ADGRL2: variants seen among roughly 807,000 people sequenced by gnomAD.
ADGRL2 encodes calcium-independent alpha-latrotoxin receptor 2.
A neutral mutation model predicts 157.4 loss-of-function variants in ADGRL2; 44 were observed. The observed-to-expected ratio is 0.28, with a 90% CI of 0.22 to 0.36. The LOEUF is 0.36. Ranked by LOEUF, ADGRL2 falls within the 10% of genes least tolerant of loss-of-function variation. ADGRL2 has a pLI of 1.00. For missense variants in ADGRL2, 1,510 were observed against 1,768.9 expected (o/e 0.85, Z 2.63); for synonymous variants, 585 against 624.7 (o/e 0.94, Z 0.95).
At chr1:81,722,381 G>C (rs1482593940) in intron 1 of ADGRL2, 1 of 773,684 alleles carries the variant, frequency 1.3e-6, no homozygotes, top group African/African-American at 1.7e-5. Flanking sequence ...AAATGATGGT[G>C]AACTGCAGAA....
intron 2 of ADGRL2, among the ~76,000 whole-genome samples, chr1:81,567,179 C>G (rs1180352851): frequency 1.3e-5 from 2 of 152,030 alleles, no homozygotes; most frequent in African/African-American, 4.8e-5. Flanking sequence ...TTTTGAAGAT[C>G]TAGTCATAAA....
rs751999103 is a variant in ADGRL2 at position 81,990,865 on chromosome 1, A to T, written c.4130A>T (p.Asn1377Ile). 2 of 1,614,064 alleles carry T rather than the reference A, an allele frequency of 1.2e-6. No homozygotes were observed. The highest frequency in any genetic ancestry group is 1.7e-6 in the Non-Finnish European group (2 of 1,180,002). ...AEAEDHLQSP[N>I]RDSLYTSMPN... ...GCTGAAGATCACCTACAGTCCCCCA[A>T]CAGAGACTCTCTTTATACAAGCATG... The change falls in exon 24 of 24, where the codon AAC becomes ATC. Residue 1377 changes from asparagine to isoleucine, a missense_variant. Coordinates refer to ENST00000686636, the MANE Select transcript of ADGRL2 (RefSeq NM_001366006.2).
intron 1 of ADGRL2, among the ~76,000 whole-genome samples, chr1:81,811,632 A>G (rs2089880328): frequency 6.6e-6 from 1 of 151,824 alleles, no homozygotes; most frequent in Non-Finnish European, 1.5e-5. Flanking sequence ...AAAACATATT[A>G]CAGAAGGGTA....
intron 3 of ADGRL2, among the ~76,000 whole-genome samples, chr1:81,676,490 A>G (rs1036506140): frequency 6.6e-6 from 1 of 151,786 alleles, no homozygotes; most frequent in Non-Finnish European, 1.5e-5. Context: ...TTGTAGAGAT[A>G]ATATTTCACT....
At chr1:81,552,114 T>C (rs2080161248) in intron 2 of ADGRL2, among the ~76,000 whole-genome samples, 1 of 152,156 alleles carries the variant, frequency 6.6e-6, no homozygotes, top group African/African-American at 2.4e-5. Context: ...GTGGTATAGA[T>C]GAGTGTGCAG....
At chr1:81,683,752 G>A (rs1443912032) in intron 3 of ADGRL2, among the ~76,000 whole-genome samples, 3 of 151,828 alleles carry the variant, frequency 2.0e-5, no homozygotes, top group African/African-American at 7.3e-5. Flanking sequence ...TTGGTTCCAC[G>A]TTTTGCAATT....
chr1:81,616,093 A>C, intron 3 of ADGRL2, among the ~76,000 whole-genome samples: 1 of 134,012 alleles, frequency 7.5e-6, no homozygotes, highest in African/African-American at 2.9e-5. Context: ...ATTCGCTGGC[A>C]CCACCATCAC....
intron 2 of ADGRL2, among the ~76,000 whole-genome samples, chr1:81,487,998 T>G (rs1038945847): frequency 6.6e-6 from 1 of 152,224 alleles, no homozygotes; most frequent in African/African-American, 2.4e-5. Flanking sequence ...TCATCACGAC[T>G]ACTTCTAGTC....
chr1:81,395,881 A>G (rs2076646746), intron 1 of ADGRL2, among the ~76,000 whole-genome samples: 1 of 152,148 alleles, frequency 6.6e-6, no homozygotes, highest in Non-Finnish European at 1.5e-5. Flanking sequence ...TAGGTTCTCT[A>G]GCTTGTTCTA....
chr1:81,583,195 A>G (rs1352546077), intron 3 of ADGRL2, among the ~76,000 whole-genome samples: 1 of 152,194 alleles, frequency 6.6e-6, no homozygotes, highest in East Asian at 1.9e-4. Flanking sequence ...CTCTAAAAAA[A>G]CCAAAGAGAA....
rs188854566 is a variant in ADGRL2, at chr1:81,524,623, A to G, written c.-247-56253A>G. ...AATGTAATAATTTATCCAAATATGA[A>G]AGAAAAAAAACTTCATGTATAAATA... On this transcript the variant is annotated intron_variant, in intron 2 of 24. Transcript: ENST00000370721. Among the ~76,000 whole-genome samples, 11 of 152,326 alleles carry G rather than the reference A, an allele frequency of 7.2e-5. No homozygotes were observed. In the East Asian group the frequency reaches 1.9e-3, roughly 27 times the overall value.
At chr1:81,966,633 G>T in intron 13 of ADGRL2, 24 bp downstream of exon 13, 1 of 1,596,760 alleles carries the variant, frequency 6.3e-7, no homozygotes, top group Non-Finnish European at 8.6e-7. Flanking sequence ...TGCTAATGAA[G>T]TAATGGAAGG....
intron 2 of ADGRL2, among the ~76,000 whole-genome samples, chr1:81,478,071 TTAATG>T (rs773344277): frequency 2.0e-5 from 3 of 148,574 alleles, no homozygotes; most frequent in Admixed American, 6.6e-5. Context: ...AACATACACT[TTAATG>T]TATTGTCTTT....
In ADGRL2 at chr1:81,943,835, C is replaced by G; in HGVS notation, c.1210+66C>G. 2.3e-6 allele frequency: 3 copies of G among 1,302,078 alleles called. No individual in the cohort carries two copies. Among genetic ancestry groups the G allele is most frequent in the Non-Finnish European group, 3.2e-6 (3 of 936,740 alleles). 80.7% of individuals were successfully genotyped at this position (1,302,078 alleles called of 1,614,324 possible). On this transcript the variant is annotated intron_variant, in intron 6 of 23. Transcript: ENST00000686636. The surrounding 1 kb of genome is among the most constrained non-coding windows in gnomAD (Gnocchi z 5.6). ...AAAGCATTTTTCTTTTTAAAGACTT[C>G]TTAATTTTTTTTTCCTATTTTCTTC...
At chr1:81,542,042 C>T (rs939580227) in intron 2 of ADGRL2, among the ~76,000 whole-genome samples, 1 of 152,098 alleles carries the variant, frequency 6.6e-6, no homozygotes, top group African/African-American at 2.4e-5. Flanking sequence ...TAAAGGTCCT[C>T]GATGAAAAGG....
chr1:81,476,425 C>G (rs369310505), intron 2 of ADGRL2, among the ~76,000 whole-genome samples: 6 of 152,120 alleles, frequency 3.9e-5, no homozygotes, highest in Non-Finnish European at 7.3e-5. Context: ...TATCCTAGTG[C>G]TCAAGAAGAA....
chr1:81,943,625 G>A lies in ADGRL2; in HGVS notation c.1066G>A (p.Glu356Lys), dbSNP rs1292198975. Residue 356 changes from glutamate (E) to lysine (K), a missense_variant, in exon 6 of 24, where the codon GAA becomes AAA. Physicochemically the swap from Glu to Lys is moderately conservative, Grantham distance 56 (BLOSUM62 1). This residue lies in a region of ADGRL2 where 361 missense variants were observed against 498.4 expected (regional missense o/e 0.72). Coordinates refer to ENST00000686636, the MANE Select transcript of ADGRL2 (RefSeq NM_001366006.2). This position sits in a 1 kb window ranked among gnomAD's most constrained non-coding sequence, Gnocchi z 5.6. ...YIYNTRLNRG[E>K]YVDVPFPNQY... is the part of the protein sequence containing the mutation. ...TTATAATACCCGATTAAACCGAGGA[G>A]AATATGTAGATGTTCCCTTCCCCAA... 1.2e-6 allele frequency: 2 copies of A among 1,613,654 alleles called. No individual in the cohort carries two copies. The highest frequency in any genetic ancestry group is 1.7e-6 in the Non-Finnish European group (2 of 1,179,688).
chr1:81,927,070 G>T (rs2095124245), intron 3 of ADGRL2, among the ~76,000 whole-genome samples: 1 of 151,930 alleles, frequency 6.6e-6, no homozygotes, highest in African/African-American at 2.4e-5. Flanking sequence ...ATTAAAGTAT[G>T]CATACTTTGT....
intron 1 of ADGRL2, among the ~76,000 whole-genome samples, chr1:81,731,033 T>G (rs757458907): frequency 3.3e-5 from 5 of 152,196 alleles, no homozygotes; most frequent in Non-Finnish European, 7.3e-5. Flanking sequence ...TATTTATTAC[T>G]TCCTCAACAT....
Sources: gnomAD v4.1 joint callset for allele counts (sites outside exome capture counted in the v4.1 genomes callset) on GRCh38, gnomAD v4.1.1 for gene constraint, gnomAD v4.1.1 regional missense constraint, Gnocchi (gnomAD v3.1) non-coding constraint, MANE v1.5 for transcripts, NCBI Gene and HGNC (gene_info 2026-07-23, HGNC 2026-07-21) for gene names.